FYB1: variants seen among roughly 807,000 people sequenced by gnomAD.
The protein encoded by FYB1 is FYN binding protein 1.
A neutral mutation model predicts 94.1 loss-of-function variants in FYB1; 41 were observed. The observed-to-expected ratio is 0.44, with a 90% CI of 0.34 to 0.57. The LOEUF (loss-of-function observed/expected upper bound fraction) is 0.57, where lower values mean the gene tolerates loss of function less well. FYB1 is among the 20% of genes least tolerant of loss of function. The probability of loss-of-function intolerance (pLI) is 0.02; values close to 1 mark genes in which losing one functional copy is unlikely to be tolerated. For missense variants in FYB1, 1,050 were observed against 976.8 expected, an observed-to-expected ratio of 1.07 and a Z score of -1.00; for synonymous variants, 367 against 353.2, an observed-to-expected ratio of 1.04 and a Z score of -0.44.
chr5:39,189,231 A>G (rs1369809176), intron 2 of FYB1, among the ~76,000 whole-genome samples: 1 of 84,020 alleles, frequency 1.2e-5, no homozygotes, highest in Non-Finnish European at 2.2e-5. Context: ...CTTTTATGGA[A>G]TTCCTTTTTT....
intron 1 of FYB1, among the ~76,000 whole-genome samples, chr5:39,266,239 A>G (rs1002831859): frequency 1.3e-5 from 2 of 152,148 alleles, no homozygotes; most frequent in African/African-American, 4.8e-5. Context: ...CCCACTTCTA[A>G]AATCTAGAAT....
At chr5:39,110,308 G>A in intron 17 of FYB1, 48 bp downstream of exon 17, 1 of 1,204,714 alleles carries the variant, frequency 8.3e-7, no homozygotes, top group Non-Finnish European at 1.2e-6. Context: ...AAAAAGAAAG[G>A]CACAAAATTC....
chr5:39,135,416 T>G (rs949849820), intron 7 of FYB1, among the ~76,000 whole-genome samples: 1 of 152,248 alleles, frequency 6.6e-6, no homozygotes, highest in Non-Finnish European at 1.5e-5. Context: ...TTTGCATTGT[T>G]TGTAAAATTG....
In FYB1 at chr5:39,126,035, G is replaced by A. The variant is rs1423282658; in HGVS notation, c.2008C>T (p.Pro670Ser). The change falls in exon 12 of 19, where the codon CCT becomes TCT. Residue 670 changes from proline (P) to serine (S), a missense_variant. Physicochemically the swap from Pro to Ser is moderately conservative, Grantham distance 74. Coordinates refer to ENST00000512982, the MANE Select transcript of FYB1 (RefSeq NM_001465.6). Reference sequence around the variant, plus strand: ...TTATTGTCTGAGTCAGAGACTTTAGGTTTCTCTCGTATACTTTTCTTTCTG... The same window carrying A: ...TTATTGTCTGAGTCAGAGACTTTAGATTTCTCTCGTATACTTTTCTTTCTG... ...DDRKKSIREK[P>S]KVSDSDNNEG... 4.3e-6 allele frequency: 7 copies of A among 1,613,362 alleles called. No individual in the cohort carries two copies. Among genetic ancestry groups the A allele is most frequent in the Admixed American group, 1.7e-5 (1 of 59,932 alleles).
intron 9 of FYB1, among the ~76,000 whole-genome samples, chr5:39,132,139 C>G (rs754215103): frequency 7.2e-5 from 11 of 152,118 alleles, no homozygotes; most frequent in Non-Finnish European, 7.3e-5. Flanking sequence ...TGCTTTGAAG[C>G]CTCAAAACTG....
At chr5:39,247,889 TTTTTGTTTTG>T (rs59562725) in intron 1 of FYB1, among the ~76,000 whole-genome samples, 4 of 149,248 alleles carry the variant, frequency 2.7e-5, no homozygotes, top group East Asian at 3.9e-4. Flanking sequence ...TACTTTCTTG[TTTTTGTTTTG>T]TTTTGTTTTG....
At chr5:39,125,926 A>G (rs955115519) in intron 12 of FYB1, 72 bp downstream of exon 12, 18 of 1,451,858 alleles carry the variant, frequency 1.2e-5, no homozygotes, top group Admixed American at 1.2e-4. Context: ...TGGTTATAGA[A>G]TATTAGTAGC....
At chr5:39,211,815 G>T (rs576703134) in intron 1 of FYB1, among the ~76,000 whole-genome samples, 1 of 152,088 alleles carries the variant, frequency 6.6e-6, no homozygotes, top group Non-Finnish European at 1.5e-5. Flanking sequence ...ACAGACACAC[G>T]CTCCTGGGTG....
intron 2 of FYB1, among the ~76,000 whole-genome samples, chr5:39,191,722 A>C (rs1225729156): frequency 6.6e-6 from 1 of 152,188 alleles, no homozygotes; most frequent in Non-Finnish European, 1.5e-5. Flanking sequence ...TATTCCTCAG[A>C]TGCTGGAAAA....
intron 1 of FYB1, among the ~76,000 whole-genome samples, chr5:39,244,346 C>T (rs933742515): frequency 2.0e-5 from 3 of 152,152 alleles, no homozygotes; most frequent in Non-Finnish European, 4.4e-5. Context: ...GAGTTTTCAG[C>T]ATGAAGGACT....
At chr5:39,125,879 G>T in intron 12 of FYB1, 119 bp downstream of exon 12, 1 of 989,018 alleles carries the variant, frequency 1.0e-6, no homozygotes, top group Non-Finnish European at 1.5e-6. Flanking sequence ...ACGGAAAATT[G>T]CATTAAGATG....
intron 2 of FYB1, among the ~76,000 whole-genome samples, chr5:39,165,140 C>T (rs901908062): frequency 2.6e-5 from 4 of 152,094 alleles, no homozygotes; most frequent in Admixed American, 6.6e-5. Context: ...AAAAAATAAT[C>T]ATAAAATTCA....
chr5:39,150,153 G>A (rs1250362386), intron 3 of FYB1, among the ~76,000 whole-genome samples: 1 of 152,104 alleles, frequency 6.6e-6, no homozygotes, highest in Non-Finnish European at 1.5e-5. Context: ...TCAAAATGGA[G>A]TCACCCACGC....
intron 2 of FYB1, among the ~76,000 whole-genome samples, chr5:39,181,492 G>A (rs908529603): frequency 6.6e-6 from 1 of 152,170 alleles, no homozygotes; most frequent in Non-Finnish European, 1.5e-5. Flanking sequence ...AAAACTCAGA[G>A]AAGCATCAGG....
rs1217314068 is a variant in FYB1, at chr5:39,126,746, A to G, written c.1908-611T>C. Among the ~76,000 whole-genome samples, 4 of 145,528 alleles carry G rather than the reference A, an allele frequency of 2.7e-5. No homozygotes were observed. The South Asian group carries it at 6.6e-4, about 24-fold the overall frequency. On this transcript the variant is annotated intron_variant, in intron 11 of 18. Transcript: ENST00000512982. ...CTTGGACATCAATTTTGCTTTATTTATGATTAAAATGAAGTAATTAAGAAA... is the reference window on the plus strand; with the variant it reads ...CTTGGACATCAATTTTGCTTTATTTGTGATTAAAATGAAGTAATTAAGAAA...
chr5:39,244,349 G>A (rs1751366370), intron 1 of FYB1, among the ~76,000 whole-genome samples: 1 of 152,174 alleles, frequency 6.6e-6, no homozygotes, highest in African/African-American at 2.4e-5. Flanking sequence ...TTTTCAGCAT[G>A]AAGGACTGTT....
intron 1 of FYB1, among the ~76,000 whole-genome samples, chr5:39,228,417 A>G (rs1035401703): frequency 1.3e-5 from 2 of 152,116 alleles, no homozygotes; most frequent in African/African-American, 4.8e-5. Flanking sequence ...TCTGTTTGTA[A>G]AATTTCTCAA....
intron 9 of FYB1, among the ~76,000 whole-genome samples, chr5:39,131,196 C>G (rs559247277): frequency 6.3e-4 from 96 of 152,178 alleles, no homozygotes; most frequent in South Asian, 1.9e-3. Context: ...TCTATATTTT[C>G]TCTATTTTAG....
intron 2 of FYB1, among the ~76,000 whole-genome samples, chr5:39,196,437 A>C (rs1222031279): frequency 6.6e-6 from 1 of 152,084 alleles, no homozygotes; most frequent in South Asian, 2.1e-4. Context: ...TCAGGTGTTC[A>C]GCCCGCCTCG....
Sources: allele counts gnomAD v4.1 joint callset (sites outside exome capture counted in the v4.1 genomes callset), GRCh38; gene constraint gnomAD v4.1.1; transcripts MANE v1.5; gene names NCBI Gene and HGNC (gene_info 2026-07-23, HGNC 2026-07-21).